CNTN2: variants seen among roughly 807,000 people sequenced by gnomAD.
CNTN2 encodes contactin-2.
In CNTN2, 53 loss-of-function variants were observed where a neutral mutation model predicts 117.5. The observed-to-expected ratio is 0.45, with a 90% CI of 0.36 to 0.57. The LOEUF (loss-of-function observed/expected upper bound fraction) is 0.57, where lower values mean the gene tolerates loss of function less well. Ranked by LOEUF, CNTN2 falls within the 20% of genes least tolerant of loss-of-function variation. CNTN2 has a pLI of 0.00. For missense variants in CNTN2, 1,106 were observed against 1,404.3 expected (o/e 0.79, Z 3.39); for synonymous variants, 530 against 561.7 (o/e 0.94, Z 0.80).
Position 205,058,243 on chromosome 1 carries a change from G to A in CNTN2, c.278G>A (p.Gly93Asp). ...GGTTCCCGTCACCAGCTGGTGGGGG[G>A]CAACCTGGTCATCATGAACCCCACC... Reference protein sequence around the residue: ...EPGSRHQLVGGNLVIMNPTKA... With the variant: ...EPGSRHQLVGDNLVIMNPTKA... Residue 93 changes from glycine (G) to aspartate (D), a missense_variant, in exon 4 of 23, where the codon GGC becomes GAC. Coordinates refer to ENST00000331830, the MANE Select transcript of CNTN2 (RefSeq NM_005076.5). The surrounding 1 kb of genome is among the most constrained non-coding windows in gnomAD (Gnocchi z 4.3). The A allele has an allele frequency of 1.3e-6, 2 of 1,559,748 alleles. No individual in the cohort carries two copies. The highest frequency in any genetic ancestry group is 1.7e-6 in the Non-Finnish European group (2 of 1,153,986).
chr1:205,059,731 A>T lies in CNTN2; in HGVS notation c.797+49A>T. On this transcript the variant is annotated intron_variant, in intron 7 of 22. Coordinates refer to ENST00000331830, the MANE Select transcript of CNTN2 (RefSeq NM_005076.5). This position sits in a 1 kb window ranked among gnomAD's most constrained non-coding sequence, Gnocchi z 5.6. ...GCAGAGCACGGTCTCTCGGGGGCAC[A>T]GGTGACCCCAGGGTGAGGGCAGGCA... The T allele has an allele frequency of 6.7e-7, 1 of 1,497,280 alleles. No individual in the cohort carries two copies. The highest frequency in any genetic ancestry group is 2.3e-5 in the East Asian group (1 of 44,282). The allele number at this position is 1,497,280 out of a possible 1,614,324, so 92.7% of individuals were successfully genotyped here.
chr1:205,066,252 C>T, intron 14 of CNTN2, 189 bp from the exon 15 acceptor site: 1 of 658,158 alleles, frequency 1.5e-6, no homozygotes, highest in Non-Finnish European at 2.6e-6. Flanking sequence ...ACACATCCCT[C>T]CACCCAACAA....
At chr1:205,063,959 G>C (rs1053971264) in intron 10 of CNTN2, among the ~76,000 whole-genome samples, 4 of 152,132 alleles carry the variant, frequency 2.6e-5, no homozygotes, top group Non-Finnish European at 5.9e-5. Flanking sequence ...ATAGAGTGGA[G>C]CAAGATGCGA....
rs1021888194 is a variant in CNTN2 at position 205,059,711 on chromosome 1, G to A, written c.797+29G>A. 2.5e-6 allele frequency: 4 copies of A among 1,599,060 alleles called. No homozygotes were observed. The highest frequency in any genetic ancestry group is 3.4e-6 in the Non-Finnish European group (4 of 1,166,630). On this transcript the variant is annotated intron_variant, in intron 7 of 22. Transcript: ENST00000331830. The surrounding 1 kb of genome is among the most constrained non-coding windows in gnomAD (Gnocchi z 5.6). ...AGTGTGAAGAGGGAGGGGAAGCAGA[G>A]CACGGTCTCTCGGGGGCACAGGTGA...
At chr1:205,051,142 A>G (rs2096452076) in intron 1 of CNTN2, among the ~76,000 whole-genome samples, 2 of 152,246 alleles carry the variant, frequency 1.3e-5, no homozygotes, top group Non-Finnish European at 2.9e-5. Flanking sequence ...GACCAGTTAA[A>G]TGCAACATAC....
At position 205,061,137 on chromosome 1, in the gene CNTN2, A is replaced by G. The variant is rs1191611742; in HGVS notation, c.798-108A>G. Reference sequence around the variant, plus strand: ...CACCCTCTCTCCCTCTGTTCCTCCCAGGCCCAGCATCTCAGGAGGGCCTGA... The same window carrying G: ...CACCCTCTCTCCCTCTGTTCCTCCCGGGCCCAGCATCTCAGGAGGGCCTGA... On this transcript the variant is annotated intron_variant, in intron 7 of 22. Coordinates refer to ENST00000331830, the MANE Select transcript of CNTN2 (RefSeq NM_005076.5). The surrounding 1 kb of genome is among the most constrained non-coding windows in gnomAD (Gnocchi z 4.8). 16 of 1,254,222 alleles carry G rather than the reference A, an allele frequency of 1.3e-5. No individual in the cohort carries two copies. The highest frequency in any genetic ancestry group is 3.0e-5 in the African/African-American group (2 of 65,940). The allele number at this position is 1,254,222 out of a possible 1,614,324, so 77.7% of individuals were successfully genotyped here. A position where few individuals can be genotyped will look rare whatever the true frequency, so the allele number is the denominator to read the frequency against.
intron 1 of CNTN2, among the ~76,000 whole-genome samples, chr1:205,050,278 AGTGT>A (rs3073631): frequency 0.066 from 9,624 of 145,318 alleles, 467 homozygotes; most frequent in African/African-American, 0.14. Flanking sequence ...TAGAGCTCTG[AGTGT>A]GTGTGTGTGT....
rs1174255939 is a variant in CNTN2, at chr1:205,069,581, TGTC to T, written c.2196+21_2196+23del. 1 of 1,609,966 alleles carries T rather than the reference TGTC, an allele frequency of 6.2e-7. No individual in the cohort carries two copies. Among genetic ancestry groups the T allele is most frequent in the East Asian group, 2.2e-5 (1 of 44,868 alleles). On this transcript the variant is annotated intron_variant, in intron 17 of 22. Transcript: ENST00000331830. ...TGGACGGTAAGCTGCAAGGGTCAGA[TGTC>T]CTCCTCCTCCTCCCTGACCCCTCTC...
chr1:205,073,477 C>G lies in CNTN2; in HGVS notation c.3014-179C>G, dbSNP rs757799350. 3.1e-4 allele frequency: 225 copies of G among 718,782 alleles called. 1 individual carries two copies. The highest frequency in any genetic ancestry group is 4.7e-4 in the Non-Finnish European group (203 of 434,894). 44.5% of individuals were successfully genotyped at this position (718,782 alleles called of 1,614,324 possible). A position where few individuals can be genotyped will look rare whatever the true frequency, so the allele number is the denominator to read the frequency against. The stretch of plus-strand genomic sequence containing the variant: ...GTGCAGGGGGAGGCTGAGGACCAAC[C>G]AGCAATAGCAAACGGCCTACAAAGC... On this transcript the variant is annotated intron_variant, in intron 22 of 22. Transcript: ENST00000331830. The surrounding 1 kb of genome is among the most constrained non-coding windows in gnomAD (Gnocchi z 6.3).
chr1:205,047,362 A>T (rs1247967139), intron 1 of CNTN2, among the ~76,000 whole-genome samples: 1 of 152,024 alleles, frequency 6.6e-6, no homozygotes, highest in African/African-American at 2.4e-5. Flanking sequence ...CCCTGTACTG[A>T]CCAGAGGGGC....
In CNTN2 at chr1:205,072,585, C is replaced by A. The variant is rs190285844; in HGVS notation, c.2834C>A (p.Thr945Asn). 1.1e-5 allele frequency: 17 copies of A among 1,612,306 alleles called. 1 individual carries two copies. In the South Asian group the frequency reaches 1.2e-4, roughly 11 times the overall value. The part of the protein sequence containing the change: ...VVPFRNESAV[T>N]GYKMLYQNDL... ...CCTTTCCGAAATGAGTCTGCAGTCA[C>A]CGGCTATAAGGTGAGGAAGCAATCA... The change falls in exon 21 of 23, where the codon ACC (threonine) becomes AAC (asparagine). Residue 945 changes from threonine to asparagine, a missense_variant. Physicochemically the swap from Thr to Asn is moderately conservative, Grantham distance 65. Coordinates refer to ENST00000331830, the MANE Select transcript of CNTN2 (RefSeq NM_005076.5).
intron 9 of CNTN2, 117 bp from the exon 10 acceptor site, chr1:205,062,323 G>A (rs1654033267): frequency 7.3e-7 from 1 of 1,369,580 alleles, no homozygotes; most frequent in African/African-American, 1.5e-5. Flanking sequence ...GGACATATAA[G>A]CCATATCCTC....
intron 17 of CNTN2, 57 bp downstream of exon 17, chr1:205,069,618 G>C: frequency 6.3e-7 from 1 of 1,577,452 alleles, no homozygotes; most frequent in Admixed American, 1.7e-5. Flanking sequence ...TCCCGCTTGA[G>C]CAGCTGCAGA....
chr1:205,067,270 CA>C lies in CNTN2; in HGVS notation c.2125+25del, dbSNP rs1375621433. ...AAGCAGGTGAGAGTCCTGTGTGTCC[CA>C]AAAAGCTATCATCAGGGCAGAGACC... On this transcript the variant is annotated intron_variant, in intron 16 of 22. Coordinates refer to ENST00000331830, the MANE Select transcript of CNTN2 (RefSeq NM_005076.5). 18 of 1,601,380 alleles carry C rather than the reference CA, an allele frequency of 1.1e-5. No homozygotes were observed. Among genetic ancestry groups the C allele is most frequent in the Non-Finnish European group, 6.8e-6 (8 of 1,174,786 alleles).
rs772373856 is a variant in CNTN2, at chr1:205,053,247, C to T, written c.62C>T (p.Ser21Phe). Reference protein sequence around the residue: ...LLLVAAVALVSSSAWSSALGS... With the variant: ...LLLVAAVALVFSSAWSSALGS... ...CTGGTAGCTGCTGTGGCCCTTGTCT[C>T]CTCTTCAGGTAAGAGGGCTCATCTG... Residue 21 changes from serine to phenylalanine, a missense_variant, in exon 2 of 23, where the codon TCC becomes TTC. Physicochemically the swap from Ser to Phe is radical, Grantham distance 155. Transcript: ENST00000331830. 26 of 1,612,492 alleles carry T rather than the reference C, an allele frequency of 1.6e-5. No homozygotes were observed. Among genetic ancestry groups the T allele is most frequent in the Non-Finnish European group, 2.0e-5 (23 of 1,179,224 alleles).
At position 205,073,248 on chromosome 1, in the gene CNTN2, C is replaced by T; in HGVS notation, c.3013+12C>T. ...CGTGAGGAATGGAGGTGCTGCTCCT[C>T]CCCTACCCTTATCCCCTCGAGAGAT... On this transcript the variant is annotated intron_variant, in intron 22 of 22. Transcript: ENST00000331830. The surrounding 1 kb of genome is among the most constrained non-coding windows in gnomAD (Gnocchi z 6.3). 1 of 1,613,310 alleles carries T rather than the reference C, an allele frequency of 6.2e-7. No individual in the cohort carries two copies. The highest frequency in any genetic ancestry group is 8.5e-7 in the Non-Finnish European group (1 of 1,179,610).
chr1:205,047,324 A>G (rs1319904300), intron 1 of CNTN2, among the ~76,000 whole-genome samples: 1 of 151,856 alleles, frequency 6.6e-6, no homozygotes, highest in Non-Finnish European at 1.5e-5. Flanking sequence ...CTGAGATCCT[A>G]GCAGCCCTCA....
At chr1:205,070,297 G>A (rs1574660012) in intron 18 of CNTN2, 129 bp from the exon 19 acceptor site, 2 of 718,886 alleles carry the variant, frequency 2.8e-6, no homozygotes, top group South Asian at 1.8e-5. Flanking sequence ...TGCTTGGGGG[G>A]CTCCCACTCG....
chr1:205,065,297 C>G lies in CNTN2; in HGVS notation c.1695+35C>G. ...AGGGCCAGAGCCCCATGGCTTCTCC[C>G]TCCTTCTAGAGAGACAGGGGCCCCA... On this transcript the variant is annotated intron_variant, in intron 13 of 22. Coordinates refer to ENST00000331830, the MANE Select transcript of CNTN2 (RefSeq NM_005076.5). The surrounding 1 kb of genome is among the most constrained non-coding windows in gnomAD (Gnocchi z 4.1). 1 of 1,611,482 alleles carries G rather than the reference C, an allele frequency of 6.2e-7. No individual in the cohort carries two copies. Among genetic ancestry groups the G allele is most frequent in the Non-Finnish European group, 8.5e-7 (1 of 1,178,224 alleles).
Sources: allele counts gnomAD v4.1 joint callset (sites outside exome capture counted in the v4.1 genomes callset), GRCh38; gene constraint gnomAD v4.1.1; non-coding constraint Gnocchi (gnomAD v3.1); transcripts MANE v1.5; gene names NCBI Gene and HGNC (gene_info 2026-07-23, HGNC 2026-07-21).